Variants in RAB23 observed in about 807,000 individuals in gnomAD.
The protein encoded by RAB23 is ras-related protein Rab-23.
A neutral mutation model predicts 30.0 loss-of-function variants in RAB23; 15 were observed. That is an observed-to-expected ratio of 0.50 (90% CI 0.33 to 0.77). The LOEUF is 0.77. Ranked by LOEUF, RAB23 falls within the 30% of genes least tolerant of loss-of-function variation. The probability of loss-of-function intolerance (pLI) is 0.02; values close to 1 mark genes in which losing one functional copy is unlikely to be tolerated. For synonymous variants in RAB23, 93 were observed against 94.0 expected (o/e 0.99, Z 0.06); for missense variants, 243 against 275.4 (o/e 0.88, Z 0.83).
At chr6:57,218,444 GA>G (rs942262149) in intron 1 of RAB23, among the ~76,000 whole-genome samples, 2 of 151,858 alleles carry the variant, frequency 1.3e-5, no homozygotes, top group African/African-American at 4.8e-5. Flanking sequence ...TAAACTCAAG[GA>G]AAAAAACACA....
At position 57,208,866 on chromosome 6, in the gene RAB23, T is replaced by A. The variant is rs1171743028; in HGVS notation, c.156-1153A>T. On this transcript the variant is annotated intron_variant, in intron 2 of 6. Coordinates refer to ENST00000468148, the MANE Select transcript of RAB23 (RefSeq NM_016277.5). ...TCATCAACTGATCAGTACATAACCT[T>A]GTTTTATGTGTTTCTGTTTAAAGAC... 2.0e-5 allele frequency among the ~76,000 whole-genome samples: 3 copies of A among 152,148 alleles called. No homozygotes were observed. The East Asian group carries it at 5.8e-4, about 29-fold the overall frequency.
intron 1 of RAB23, among the ~76,000 whole-genome samples, chr6:57,219,883 G>C (rs898392888): frequency 6.6e-6 from 1 of 152,148 alleles, no homozygotes; most frequent in African/African-American, 2.4e-5. Flanking sequence ...AGAGTTTTTA[G>C]ACATGACACC....
chr6:57,207,595 A>C (rs1765495115), intron 3 of RAB23, 33 bp downstream of exon 3: 1 of 1,497,554 alleles, frequency 6.7e-7, no homozygotes. Context: ...TAATATGCCC[A>C]AACAAAATAA....
rs1457818586 is a variant in RAB23, at chr6:57,221,801, AGG to A, written c.-143_-142del. 2 of 152,432 alleles carry A rather than the reference AGG, an allele frequency of 1.3e-5. No individual in the cohort carries two copies. Among genetic ancestry groups the A allele is most frequent in the Admixed American group, 6.5e-5 (1 of 15,306 alleles). The allele number at this position is 152,432 out of a possible 1,614,324, so 9.4% of individuals were successfully genotyped here. ...TAGCTGGAACTTGGGATCGGTGCTC[AGG>A]GAGGGGAGAGCCGGCGCTCGGCGGT... On this transcript the variant is annotated 5_prime_UTR_variant, in exon 1 of 7. Coordinates refer to ENST00000468148, the MANE Select transcript of RAB23 (RefSeq NM_016277.5).
At chr6:57,191,267 C>T (rs1764828842) in intron 6 of RAB23, among the ~76,000 whole-genome samples, 1 of 152,102 alleles carries the variant, frequency 6.6e-6, no homozygotes, top group Non-Finnish European at 1.5e-5. Context: ...GTTTTCCCAC[C>T]CCTAAGGTAC....
intron 3 of RAB23, among the ~76,000 whole-genome samples, chr6:57,197,824 G>A (rs1237344248): frequency 2.6e-5 from 4 of 152,082 alleles, no homozygotes; most frequent in African/African-American, 7.2e-5. Flanking sequence ...CTGCAGCCTC[G>A]ACCTCCTGGA....
Position 57,190,503 on chromosome 6 carries a change from G to GGTCCTTTGAAATAA in RAB23, c.671_672insTTATTTCAAAGGAC (p.Lys225TyrfsTer27). The GGTCCTTTGAAATAA allele has an allele frequency of 6.2e-7, 1 of 1,613,936 alleles. No individual in the cohort carries two copies. Among genetic ancestry groups the GGTCCTTTGAAATAA allele is most frequent in the Non-Finnish European group, 8.5e-7 (1 of 1,179,922 alleles). On this transcript the variant is annotated frameshift_variant, in exon 7 of 7. Coordinates refer to ENST00000468148, the MANE Select transcript of RAB23 (RefSeq NM_016277.5). LOFTEE classifies it high-confidence loss of function. Reference sequence around the variant, plus strand: ...TGCTAAAAGGATTTCTGTTTTTCTTGGTCCTTTGTTTGTTGGGTCTAAGAT... The same window carrying GGTCCTTTGAAATAA: ...TGCTAAAAGGATTTCTGTTTTTCTTGGTCCTTTGAAATAAGTCCTTTGTTTGTTGGGTCTAAGAT...
At chr6:57,192,727 AAAAG>A (rs1223578179) in intron 6 of RAB23, among the ~76,000 whole-genome samples, 1 of 152,214 alleles carries the variant, frequency 6.6e-6, no homozygotes, top group Non-Finnish European at 1.5e-5. Context: ...GTTTCTTTAA[AAAAG>A]AAAGAAAAAG....
chr6:57,198,258 A>C (rs1387290170), intron 3 of RAB23, among the ~76,000 whole-genome samples: 1 of 152,236 alleles, frequency 6.6e-6, no homozygotes, highest in Admixed American at 6.5e-5. Context: ...TACAAATAAA[A>C]AAAATTATGT....
At chr6:57,218,403 A>T (rs1262555088) in intron 1 of RAB23, among the ~76,000 whole-genome samples, 1 of 152,252 alleles carries the variant, frequency 6.6e-6, no homozygotes, top group East Asian at 1.9e-4. Flanking sequence ...TTAAATACTC[A>T]AAAAACAATC....
rs1390178486 is a variant in RAB23 at position 57,190,221 on chromosome 6, A to G, written c.*240T>C. The G allele has an allele frequency of 4.3e-6, 2 of 462,986 alleles. No individual in the cohort carries two copies. Among genetic ancestry groups the G allele is most frequent in the Non-Finnish European group, 7.8e-6 (2 of 257,548 alleles). 28.7% of individuals were successfully genotyped at this position (462,986 alleles called of 1,614,324 possible). ...GAAATTTCTTATAGCATTCCTTTACAAACAGGAGAAGCTTCGTCTAATGTA... is the reference window on the plus strand; with the variant it reads ...GAAATTTCTTATAGCATTCCTTTACGAACAGGAGAAGCTTCGTCTAATGTA... On this transcript the variant is annotated 3_prime_UTR_variant, in exon 7 of 7. Transcript: ENST00000468148.
At chr6:57,191,658 C>A (rs1479518595) in intron 6 of RAB23, among the ~76,000 whole-genome samples, 2 of 152,032 alleles carry the variant, frequency 1.3e-5, no homozygotes, top group Non-Finnish European at 2.9e-5. Flanking sequence ...CCGTGTTACC[C>A]AGGCTGGTCT....
intron 3 of RAB23, among the ~76,000 whole-genome samples, chr6:57,203,757 C>A (rs1593218412): frequency 1.3e-5 from 2 of 152,144 alleles, no homozygotes; most frequent in Admixed American, 1.3e-4. Context: ...ATACCATCTA[C>A]TCCAAGAACG....
chr6:57,214,383 C>CGTTGAGG, intron 1 of RAB23, among the ~76,000 whole-genome samples: 1 of 152,194 alleles, frequency 6.6e-6, no homozygotes, highest in East Asian at 1.9e-4. Context: ...GGGGTGAACA[C>CGTTGAGG]AGCTCACTGC....
intron 2 of RAB23, among the ~76,000 whole-genome samples, chr6:57,209,393 G>C (rs995968890): frequency 6.6e-6 from 1 of 152,106 alleles, no homozygotes; most frequent in Admixed American, 6.5e-5. Context: ...CAGGTAATAA[G>C]TATAAAAAGC....
At chr6:57,212,283 T>G (rs1029952353) in intron 1 of RAB23, among the ~76,000 whole-genome samples, 3 of 152,240 alleles carry the variant, frequency 2.0e-5, no homozygotes, top group Non-Finnish European at 4.4e-5. Flanking sequence ...CTCTTTGGTC[T>G]GGGGCTCCCC....
rs184428677 is a variant in RAB23, at chr6:57,210,663, A to G, written c.-65-218T>C. The stretch of plus-strand genomic sequence containing the variant: ...CAATAGCGCAATGCATGACATTCAT[A>G]TATCAATAAATACCTAGATCTACTT... On this transcript the variant is annotated intron_variant, in intron 1 of 6. Coordinates refer to ENST00000468148, the MANE Select transcript of RAB23 (RefSeq NM_016277.5). 2.2e-4 allele frequency among the ~76,000 whole-genome samples: 34 copies of G among 152,342 alleles called. No individual in the cohort carries two copies. The East Asian group carries it at 5.0e-3, about 22-fold the overall frequency.
intron 1 of RAB23, among the ~76,000 whole-genome samples, chr6:57,215,437 G>T (rs1765803644): frequency 6.6e-6 from 1 of 152,228 alleles, no homozygotes; most frequent in South Asian, 2.1e-4. Flanking sequence ...AAAGTAATTT[G>T]AACGACAGTG....
At chr6:57,215,680 A>G (rs779820916) in intron 1 of RAB23, among the ~76,000 whole-genome samples, 6 of 152,238 alleles carry the variant, frequency 3.9e-5, no homozygotes, top group African/African-American at 9.6e-5. Flanking sequence ...TAATTTTTTA[A>G]AAGAAGAACT....
Sources: allele counts gnomAD v4.1 joint callset (sites outside exome capture counted in the v4.1 genomes callset), GRCh38; gene constraint gnomAD v4.1.1; transcripts MANE v1.5; gene names NCBI Gene and HGNC (gene_info 2026-07-23, HGNC 2026-07-21).